FRYL: variants seen among roughly 807,000 people sequenced by gnomAD.
FRYL encodes FRY like transcription coactivator, also known as protein furry homolog-like.
A neutral mutation model predicts 351.2 loss-of-function variants in FRYL; 150 were observed. That is an observed-to-expected ratio of 0.43 (90% CI 0.37 to 0.49). The LOEUF (loss-of-function observed/expected upper bound fraction) is 0.49. Ranked by LOEUF, FRYL falls within the 20% of genes least tolerant of loss-of-function variation. The pLI is 0.00. For missense variants in FRYL, 3,036 were observed against 3,619.3 expected, an observed-to-expected ratio of 0.84 and a Z score of 4.13; for synonymous variants, 1,153 against 1,257.1, an observed-to-expected ratio of 0.92 and a Z score of 1.75.
chr4:48,497,572 C>T lies in FRYL; in HGVS notation c.*1850G>A, dbSNP rs916934433. 6.6e-6 allele frequency: 1 copy of T among 152,536 alleles called. No individual in the cohort carries two copies. Among genetic ancestry groups the T allele is most frequent in the Admixed American group, 6.5e-5 (1 of 15,276 alleles). The allele number at this position is 152,536 out of a possible 1,614,324, so 9.4% of individuals were successfully genotyped here. A position where few individuals can be genotyped will look rare whatever the true frequency, so the allele number is the denominator to read the frequency against. ...GTTAAAATACAACACAAACCAACAG[C>T]TACAATGCTTTTTATTTTTAACAAA... On this transcript the variant is annotated 3_prime_UTR_variant, in exon 64 of 64. Transcript: ENST00000358350.
At position 48,546,288 on chromosome 4, in the gene FRYL, G is replaced by A. The variant is rs754609105; in HGVS notation, c.5075-17C>T. 1.2e-4 allele frequency: 183 copies of A among 1,571,778 alleles called. 2 individuals carry two copies. Among genetic ancestry groups the A allele is most frequent in the Admixed American group, 4.7e-4 (28 of 59,804 alleles). ...TAATGCCTGCTGAAAGAGAAAGATC[G>A]TCATGAATACCTAAAACATGAAAGA... On this transcript the variant is annotated splice_polypyrimidine_tract_variant and intron_variant, in intron 41 of 63. Transcript: ENST00000358350.
chr4:48,664,601 T>C (rs747655207), intron 3 of FRYL, among the ~76,000 whole-genome samples: 1 of 152,170 alleles, frequency 6.6e-6, no homozygotes, highest in Non-Finnish European at 1.5e-5. Flanking sequence ...CTAGGCTATA[T>C]ATTAATAAAT....
intron 19 of FRYL, among the ~76,000 whole-genome samples, chr4:48,586,146 A>AATAGGCATT (rs1224996102): frequency 6.6e-6 from 1 of 152,184 alleles, no homozygotes; most frequent in Non-Finnish European, 1.5e-5. Context: ...TTACAGAGCT[A>AATAGGCATT]TGACATGCCT....
chr4:48,753,103 G>A (rs1161232915), intron 1 of FRYL, among the ~76,000 whole-genome samples: 10 of 152,198 alleles, frequency 6.6e-5, no homozygotes. Flanking sequence ...CTGATGGATT[G>A]CAGGGAAAGA....
intron 1 of FRYL, among the ~76,000 whole-genome samples, chr4:48,764,881 G>C (rs1774791222): frequency 6.6e-6 from 1 of 152,136 alleles, no homozygotes; most frequent in East Asian, 1.9e-4. Context: ...GTCTTGCTCT[G>C]TTGCCCAGTG....
chr4:48,775,610 G>C (rs894342963), intron 1 of FRYL, among the ~76,000 whole-genome samples: 15 of 152,114 alleles, frequency 9.9e-5, no homozygotes, highest in African/African-American at 3.4e-4. Context: ...GCAACTTAAC[G>C]TTTGAGTGAT....
At chr4:48,560,469 G>T (rs7689293) in intron 33 of FRYL, among the ~76,000 whole-genome samples, 4 of 152,172 alleles carry the variant, frequency 2.6e-5, no homozygotes, top group Admixed American at 6.5e-5. Context: ...TGGGCATGGT[G>T]GACACCTGTA....
intron 60 of FRYL, among the ~76,000 whole-genome samples, chr4:48,504,837 TATAATAAATAGTATAACCTA>T (rs1437433449): frequency 8.5e-4 from 4 of 4,712 alleles, no homozygotes; most frequent in East Asian, 0.5. Context: ...AATTTTTTAC[TATAATAAATAGTATAACCTA>T]ATAATAGTAT....
chr4:48,708,303 TAAATAA>T (rs1767609603), intron 2 of FRYL, among the ~76,000 whole-genome samples: 2 of 4,958 alleles, frequency 4.0e-4, no homozygotes, highest in African/African-American at 4.6e-4. Flanking sequence ...AATAAATAAA[TAAATAA>T]AAATAAAATT....
chr4:48,707,981 C>T (rs187141967), intron 2 of FRYL, among the ~76,000 whole-genome samples: 5 of 151,780 alleles, frequency 3.3e-5, no homozygotes, highest in South Asian at 4.2e-4. Flanking sequence ...CCACCACACC[C>T]GGCTAATTTT....
chr4:48,553,733 T>G (rs1733444212), intron 35 of FRYL, among the ~76,000 whole-genome samples: 1 of 152,108 alleles, frequency 6.6e-6, no homozygotes, highest in South Asian at 2.1e-4. Flanking sequence ...AATAACATCC[T>G]AAGATTTTCC....
intron 1 of FRYL, among the ~76,000 whole-genome samples, chr4:48,720,601 T>G (rs1173231402): frequency 6.6e-6 from 1 of 152,172 alleles, no homozygotes; most frequent in East Asian, 1.9e-4. Context: ...CCTCCAGAAC[T>G]CTTTTCATCT....
chr4:48,744,688 T>C (rs1217550321), intron 1 of FRYL, among the ~76,000 whole-genome samples: 1 of 152,168 alleles, frequency 6.6e-6, no homozygotes, highest in Non-Finnish European at 1.5e-5. Context: ...CTAAAATCTT[T>C]CATTTGGGAT....
chr4:48,567,281 C>A lies in FRYL; in HGVS notation c.3136G>T (p.Ala1046Ser). 1 of 1,611,634 alleles carries A rather than the reference C, an allele frequency of 6.2e-7. No individual in the cohort carries two copies. ...TTCTGAATAATATTCGCCACTAAGG[C>A]ACTAAAATGGCATCGTATATCCTTC... The part of the protein sequence containing the change: ...TLKDIRCHFS[A>S]LVANIIQNVP... Residue 1046 changes from alanine to serine, a missense_variant, in exon 28 of 64, where the codon GCC becomes TCC. Physicochemically the swap from Ala to Ser is moderately conservative, Grantham distance 99. Transcript: ENST00000358350. This position sits in a 1 kb window ranked among gnomAD's most constrained non-coding sequence, Gnocchi z 4.2.
At chr4:48,774,965 T>C (rs1449272395) in intron 1 of FRYL, among the ~76,000 whole-genome samples, 1 of 152,218 alleles carries the variant, frequency 6.6e-6, no homozygotes, top group African/African-American at 2.4e-5. Flanking sequence ...AAAATATGAG[T>C]TATTTGCTAG....
intron 26 of FRYL, 72 bp downstream of exon 26, chr4:48,573,114 C>T: frequency 8.6e-7 from 1 of 1,160,854 alleles, no homozygotes; most frequent in Non-Finnish European, 1.3e-6. Context: ...TAATTTCTAA[C>T]TTTTGATATA....
intron 2 of FRYL, among the ~76,000 whole-genome samples, chr4:48,700,772 A>T (rs949344434): frequency 1.3e-5 from 2 of 152,016 alleles, no homozygotes; most frequent in African/African-American, 2.4e-5. Context: ...ACTGCACTTC[A>T]GCCTGGGTGA....
intron 2 of FRYL, among the ~76,000 whole-genome samples, chr4:48,689,887 CT>C (rs887933820): frequency 4.8e-5 from 7 of 147,322 alleles, no homozygotes; most frequent in South Asian, 4.2e-4. Context: ...TTTTTAATTT[CT>C]TTTTTTCTTT....
At chr4:48,653,454 T>C (rs984841596) in intron 3 of FRYL, among the ~76,000 whole-genome samples, 3 of 152,036 alleles carry the variant, frequency 2.0e-5, no homozygotes, top group African/African-American at 4.8e-5. Context: ...GCGAGAAACT[T>C]TGCCAGAATA....
Sources: allele counts gnomAD v4.1 joint callset (sites outside exome capture counted in the v4.1 genomes callset), GRCh38; gene constraint gnomAD v4.1.1; non-coding constraint Gnocchi (gnomAD v3.1); transcripts MANE v1.5; gene names NCBI Gene and HGNC (gene_info 2026-07-23, HGNC 2026-07-21).